The following HECW1 variants were observed in gnomAD, a reference collection of about 807,000 sequenced individuals.
HECW1 encodes the protein HECT, C2 and WW domain containing E3 ubiquitin protein ligase 1, also known as E3 ubiquitin-protein ligase HECW1.
In HECW1, 61 loss-of-function variants were observed where a neutral mutation model predicts 182.3. That is an observed-to-expected ratio of 0.33 (90% CI 0.27 to 0.41). HECW1 has a LOEUF of 0.41. Ranked by LOEUF, HECW1 falls within the 10% of genes least tolerant of loss-of-function variation. The probability of loss-of-function intolerance (pLI) is 1.00; values close to 1 mark genes in which losing one functional copy is unlikely to be tolerated. For missense variants in HECW1, 1,739 were observed against 2,108.9 expected (o/e 0.82, Z 3.44); for synonymous variants, 859 against 832.6 (o/e 1.03, Z -0.55).
At chr7:43,165,265 T>C (rs894930398) in intron 2 of HECW1, among the ~76,000 whole-genome samples, 2 of 152,268 alleles carry the variant, frequency 1.3e-5, no homozygotes, top group Admixed American at 6.5e-5. Flanking sequence ...TTCACTTTTG[T>C]GTCCAGAGTT....
Position 43,283,070 on chromosome 7 carries a change from A to T in HECW1, c.28-28693A>T, listed in dbSNP as rs190616152. Among the ~76,000 whole-genome samples, 23 of 151,968 alleles carry T rather than the reference A, an allele frequency of 1.5e-4. No individual in the cohort carries two copies. In the East Asian group the frequency reaches 1.9e-3, roughly 13 times the overall value. ...GAGGCAGAGGTTGCAGTGAGCCGAGATCATGTCACTTGTCACTGCACTCCA... is the reference window on the plus strand; with the variant it reads ...GAGGCAGAGGTTGCAGTGAGCCGAGTTCATGTCACTTGTCACTGCACTCCA... On this transcript the variant is annotated intron_variant, in intron 3 of 29. Transcript: ENST00000395891.
rs117318664 is a variant in HECW1, at chr7:43,365,959, C to T, written c.555+4979C>T. On this transcript the variant is annotated intron_variant, in intron 6 of 29. Transcript: ENST00000395891. ...AAAATAAAAAATAAAATAATATTAG[C>T]CAGCATGGTGGTGCATGTCTGCAAT... Among the ~76,000 whole-genome samples the T allele has an allele frequency of 3.3e-3, 505 of 152,108 alleles. 1 individual carries two copies. The highest frequency in any genetic ancestry group is 5.8e-3 in the Non-Finnish European group (392 of 67,988).
Position 43,127,615 on chromosome 7 carries a change from C to T in HECW1, c.-32+13224C>T, listed in dbSNP as rs1225352728. Among the ~76,000 whole-genome samples, 4 of 151,770 alleles carry T rather than the reference C, an allele frequency of 2.6e-5. No homozygotes were observed. In the East Asian group the frequency reaches 7.8e-4, roughly 29 times the overall value. On this transcript the variant is annotated intron_variant, in intron 2 of 29. Coordinates refer to ENST00000395891, the MANE Select transcript of HECW1 (RefSeq NM_015052.5). The stretch of plus-strand genomic sequence containing the variant: ...GGTTTTGGATAGAGGATCAAACCAG[C>T]CACACAGCATTCCTTTAAGCTAAAG...
chr7:43,154,327 A>G (rs1789650928), intron 2 of HECW1, among the ~76,000 whole-genome samples: 1 of 152,164 alleles, frequency 6.6e-6, no homozygotes, highest in Non-Finnish European at 1.5e-5. Context: ...TACAAGTTTG[A>G]TATGTACTAT....
At chr7:43,464,994 G>T (rs1177474418) in intron 14 of HECW1, among the ~76,000 whole-genome samples, 1 of 151,978 alleles carries the variant, frequency 6.6e-6, no homozygotes, top group Admixed American at 6.6e-5. Context: ...TAGAGACAGA[G>T]TCTTGCTATG....
At chr7:43,536,462 A>C (rs1393206074) in intron 24 of HECW1, among the ~76,000 whole-genome samples, 1 of 152,206 alleles carries the variant, frequency 6.6e-6, no homozygotes, top group Non-Finnish European at 1.5e-5. Context: ...CTGGGAGGTT[A>C]CATGGGCTGA....
chr7:43,323,755 C>T (rs74712844), intron 5 of HECW1, among the ~76,000 whole-genome samples: 3,479 of 152,216 alleles, frequency 0.023, 105 homozygotes, highest in East Asian at 0.17. Flanking sequence ...TGACCGTGCG[C>T]GGTGACTCAT....
intron 2 of HECW1, among the ~76,000 whole-genome samples, chr7:43,120,358 T>C (rs377329805): frequency 4.3e-4 from 66 of 152,272 alleles, no homozygotes; most frequent in African/African-American, 1.5e-3. Flanking sequence ...TTCCATCTGC[T>C]TGTTTGCTTG....
chr7:43,320,587 G>GATATGCTAAA, intron 4 of HECW1, 48 bp from the exon 5 acceptor site: 1 of 1,284,384 alleles, frequency 7.8e-7, no homozygotes, highest in Non-Finnish European at 1.1e-6. Context: ...TAAATATGCT[G>GATATGCTAAA]TTGACTGATA....
intron 23 of HECW1, 164 bp from the exon 24 acceptor site, chr7:43,508,805 A>G: frequency 1.5e-6 from 1 of 677,624 alleles, no homozygotes; most frequent in Non-Finnish European, 2.6e-6. Flanking sequence ...CTCATTTTCT[A>G]CAGCAAATTG....
chr7:43,241,430 C>T (rs1276388674), intron 2 of HECW1: 1 of 152,142 alleles, frequency 6.6e-6, no homozygotes, highest in Non-Finnish European at 1.5e-5. Context: ...CACTTCTGCT[C>T]TCATTCTTTT....
chr7:43,213,574 T>C (rs1351260004), intron 2 of HECW1, among the ~76,000 whole-genome samples: 2 of 150,898 alleles, frequency 1.3e-5, no homozygotes, highest in Non-Finnish European at 2.9e-5. Context: ...GCCTCCTGAG[T>C]AGCTGGGACT....
intron 17 of HECW1, chr7:43,484,628 G>A (rs1002829353): frequency 6.6e-6 from 1 of 152,136 alleles, no homozygotes; most frequent in Non-Finnish European, 1.5e-5. Context: ...ATCCTAAATG[G>A]TAAAATGTTT....
intron 3 of HECW1, among the ~76,000 whole-genome samples, chr7:43,275,792 G>T (rs1018099516): frequency 2.0e-5 from 3 of 149,102 alleles, no homozygotes; most frequent in African/African-American, 7.5e-5. Flanking sequence ...TAATTTGCTG[G>T]ATAGGTGGCT....
chr7:43,216,955 G>A (rs1796499149), intron 2 of HECW1, among the ~76,000 whole-genome samples: 2 of 152,138 alleles, frequency 1.3e-5, no homozygotes, highest in African/African-American at 4.8e-5. Context: ...ACTCCCAGCT[G>A]CAGTGTAATC....
At chr7:43,487,397 T>C (rs2078686197) in intron 17 of HECW1, among the ~76,000 whole-genome samples, 2 of 152,186 alleles carry the variant, frequency 1.3e-5, no homozygotes, top group African/African-American at 4.8e-5. Flanking sequence ...GCGATCGATA[T>C]CAAAAGAAAA....
chr7:43,165,757 TA>T (rs1791052078), intron 2 of HECW1, among the ~76,000 whole-genome samples: 1 of 152,190 alleles, frequency 6.6e-6, no homozygotes, highest in Non-Finnish European at 1.5e-5. Flanking sequence ...AGCTTTATAT[TA>T]AGACAAATAA....
chr7:43,463,940 C>T (rs958913413), intron 14 of HECW1, 141 bp downstream of exon 14: 9 of 896,734 alleles, frequency 1.0e-5, no homozygotes, highest in Non-Finnish European at 1.5e-5. Context: ...AGGACAGAGG[C>T]ATGCCTGGTG....
chr7:43,393,722 T>C (rs559157841), intron 6 of HECW1, among the ~76,000 whole-genome samples: 1 of 151,882 alleles, frequency 6.6e-6, no homozygotes, highest in South Asian at 2.1e-4. Flanking sequence ...GCAATAAAGA[T>C]GAAGAGGCTT....
Sources: allele counts gnomAD v4.1 joint callset (sites outside exome capture counted in the v4.1 genomes callset), GRCh38; gene constraint gnomAD v4.1.1; transcripts MANE v1.5; gene names NCBI Gene and HGNC (gene_info 2026-07-23, HGNC 2026-07-21).